Variants in MRPS28 observed in about 807,000 individuals in gnomAD.
MRPS28 encodes the protein small ribosomal subunit protein bS1m.
Under a neutral mutation model 10.8 loss-of-function variants are expected in MRPS28, and 7 were observed. That is an observed-to-expected ratio of 0.65 (90% CI 0.37 to 1.22). MRPS28 has a LOEUF of 1.22. Among genes scored for constraint, MRPS28 ranks in the 50% most tolerant of loss-of-function variants. MRPS28 has a pLI of 0.02. For missense variants in MRPS28, 265 were observed against 232.9 expected (o/e 1.14, Z -0.90); for synonymous variants, 121 against 93.3 (o/e 1.30, Z -1.71).
chr8:79,963,299 G>C (rs1375325285), intron 2 of MRPS28, among the ~76,000 whole-genome samples: 1 of 151,972 alleles, frequency 6.6e-6, no homozygotes, highest in Admixed American at 6.6e-5. Flanking sequence ...AGCCTACTAT[G>C]TATTTTCAGT....
intron 2 of MRPS28, among the ~76,000 whole-genome samples, chr8:79,982,474 G>A (rs571450174): frequency 5.3e-5 from 8 of 152,298 alleles, no homozygotes; most frequent in African/African-American, 1.7e-4. Flanking sequence ...TGCCTCACTC[G>A]GGAAGCACAA....
At chr8:80,004,516 TAA>T (rs1808769201) in intron 1 of MRPS28, among the ~76,000 whole-genome samples, 1 of 152,038 alleles carries the variant, frequency 6.6e-6, no homozygotes, top group South Asian at 2.1e-4. Flanking sequence ...CAAAGGTAGA[TAA>T]AACAACAAAG....
chr8:79,962,571 A>G (rs891410604), intron 2 of MRPS28, among the ~76,000 whole-genome samples: 1 of 152,174 alleles, frequency 6.6e-6, no homozygotes, highest in African/African-American at 2.4e-5. Flanking sequence ...CACTCCTGAT[A>G]TACTTCATAA....
At chr8:79,982,249 A>G (rs1391073967) in intron 2 of MRPS28, among the ~76,000 whole-genome samples, 1 of 152,144 alleles carries the variant, frequency 6.6e-6, no homozygotes, top group African/African-American at 2.4e-5. Context: ...TCCATCTCAA[A>G]AAAGAAAAGA....
chr8:79,965,034 G>A (rs1469696155), intron 2 of MRPS28, among the ~76,000 whole-genome samples: 1 of 152,040 alleles, frequency 6.6e-6, no homozygotes, highest in Non-Finnish European at 1.5e-5. Flanking sequence ...CTGTATATGT[G>A]ACATAGCCAT....
At chr8:79,978,653 AT>A (rs1161740143) in intron 2 of MRPS28, among the ~76,000 whole-genome samples, 1 of 152,228 alleles carries the variant, frequency 6.6e-6, no homozygotes, top group Non-Finnish European at 1.5e-5. Context: ...TGAAAAGAGA[AT>A]TTGGATTATG....
chr8:79,925,092 CAAT>C (rs1223154830), intron 2 of MRPS28, among the ~76,000 whole-genome samples: 1 of 151,982 alleles, frequency 6.6e-6, no homozygotes, highest in African/African-American at 2.4e-5. Context: ...TACTCCTCTC[CAAT>C]ATTTCTAGTC....
intron 2 of MRPS28, among the ~76,000 whole-genome samples, chr8:79,949,190 T>C (rs1807012292): frequency 6.6e-6 from 1 of 152,118 alleles, no homozygotes; most frequent in Admixed American, 6.5e-5. Context: ...CCAAGGCGGA[T>C]GGATCACAAG....
chr8:80,001,368 A>C (rs936548067), intron 2 of MRPS28, among the ~76,000 whole-genome samples: 1 of 152,228 alleles, frequency 6.6e-6, no homozygotes, highest in Admixed American at 6.5e-5. Context: ...CCTCTCTTAA[A>C]GGGTAACTTT....
Position 80,003,185 on chromosome 8 carries a change from A to T in MRPS28, c.214-5T>A, listed in dbSNP as rs768267916. 5 of 1,564,436 alleles carry T rather than the reference A, an allele frequency of 3.2e-6. No homozygotes were observed. The highest frequency in any genetic ancestry group is 4.3e-6 in the Non-Finnish European group (5 of 1,160,268). The stretch of plus-strand genomic sequence containing the variant: ...TTCCACATTTTTTGGAGAACCCTAA[A>T]TATGAAAAGAGATATTTATATACAT... On this transcript the variant is annotated splice_region_variant and splice_polypyrimidine_tract_variant and intron_variant, in intron 1 of 2. Transcript: ENST00000276585.
intron 2 of MRPS28, among the ~76,000 whole-genome samples, chr8:79,990,174 TAAAG>T (rs1349615834): frequency 2.0e-5 from 3 of 152,012 alleles, no homozygotes; most frequent in Non-Finnish European, 4.4e-5. Context: ...AATAAATAAA[TAAAG>T]ATAGAATAAC....
intron 2 of MRPS28, among the ~76,000 whole-genome samples, chr8:79,988,200 C>T (rs1039913265): frequency 2.1e-5 from 3 of 143,586 alleles, no homozygotes; most frequent in African/African-American, 7.8e-5. Context: ...CATATTCTCA[C>T]TCATAGGTGG....
intron 2 of MRPS28, among the ~76,000 whole-genome samples, chr8:79,978,337 ATT>A (rs33952224): frequency 4.6e-5 from 7 of 151,360 alleles, no homozygotes; most frequent in African/African-American, 1.2e-4. Context: ...TGACAGTTGT[ATT>A]TTTTTTTTCC....
intron 2 of MRPS28, among the ~76,000 whole-genome samples, chr8:79,947,792 G>C (rs964706026): frequency 1.3e-5 from 2 of 150,616 alleles, no homozygotes; most frequent in African/African-American, 2.4e-5. Flanking sequence ...CTACCACTAC[G>C]CCCGGCTAAT....
intron 2 of MRPS28, among the ~76,000 whole-genome samples, chr8:80,000,510 G>T (rs1808632752): frequency 6.6e-6 from 1 of 152,224 alleles, no homozygotes; most frequent in East Asian, 1.9e-4. Context: ...TGCTTCACTG[G>T]GGGGAGAACA....
At chr8:80,023,946 C>T (rs752508974) in intron 1 of MRPS28, among the ~76,000 whole-genome samples, 2 of 152,166 alleles carry the variant, frequency 1.3e-5, no homozygotes, top group East Asian at 3.9e-4. Context: ...ATGAATGGGA[C>T]GGCCTGGTGT....
intron 1 of MRPS28, among the ~76,000 whole-genome samples, chr8:80,028,453 TG>T: frequency 6.6e-6 from 1 of 151,896 alleles, no homozygotes; most frequent in Non-Finnish European, 1.5e-5. Context: ...TCTCCATATA[TG>T]GTAGAAAGAA....
chr8:79,967,686 T>C (rs1807536277), intron 2 of MRPS28, among the ~76,000 whole-genome samples: 1 of 152,132 alleles, frequency 6.6e-6, no homozygotes, highest in Non-Finnish European at 1.5e-5. Flanking sequence ...ATGGACGGCA[T>C]TGCCTGGGGC....
In MRPS28 at chr8:80,006,634, T is replaced by C. The variant is rs1808855459; in HGVS notation, c.214-3454A>G. On this transcript the variant is annotated intron_variant, in intron 1 of 2. Transcript: ENST00000276585. ...AATACAAACTAACATCAGAGAATAC[T>C]ATAAACACCTCTACGCAAATAAACT... Among the ~76,000 whole-genome samples the C allele has an allele frequency of 2.0e-5, 3 of 152,298 alleles. No homozygotes were observed. In the South Asian group the frequency reaches 6.2e-4, roughly 32 times the overall value.
Sources: gnomAD v4.1 joint callset for allele counts (sites outside exome capture counted in the v4.1 genomes callset) on GRCh38, gnomAD v4.1.1 for gene constraint, MANE v1.5 for transcripts, NCBI Gene and HGNC (gene_info 2026-07-23, HGNC 2026-07-21) for gene names.